CDC73: variants seen among roughly 807,000 people sequenced by gnomAD.
The protein encoded by CDC73 is parafibromin.
Under a neutral mutation model 83.7 loss-of-function variants are expected in CDC73, and 21 were observed. The observed-to-expected ratio is 0.25, with a 90% CI of 0.18 to 0.36. The LOEUF (loss-of-function observed/expected upper bound fraction) is 0.36. CDC73 is among the 10% of genes least tolerant of loss of function. CDC73 has a pLI of 1.00. For missense variants in CDC73, 342 were observed against 653.3 expected (o/e 0.52, Z 5.19); for synonymous variants, 224 against 212.9 (o/e 1.05, Z -0.45).
At chr1:193,192,816 A>G (rs1434315727) in intron 10 of CDC73, among the ~76,000 whole-genome samples, 3 of 152,232 alleles carry the variant, frequency 2.0e-5, no homozygotes, top group African/African-American at 4.8e-5. Context: ...GTGTGTGGTT[A>G]ATTAATCTGG....
intron 10 of CDC73, among the ~76,000 whole-genome samples, chr1:193,192,423 A>T (rs1352216856): frequency 6.6e-6 from 1 of 152,226 alleles, no homozygotes; most frequent in African/African-American, 2.4e-5. Context: ...AGCCTGGGCG[A>T]CAGAGTGAGA....
intron 10 of CDC73, 38 bp downstream of exon 10, chr1:193,152,482 G>A (rs1047229257): frequency 1.5e-6 from 2 of 1,340,854 alleles, no homozygotes; most frequent in African/African-American, 2.9e-5. Flanking sequence ...TTTGTTCCAG[G>A]GATTTTATGT....
At chr1:193,182,686 T>TAAGA (rs1422753900) in intron 10 of CDC73, among the ~76,000 whole-genome samples, 2 of 152,160 alleles carry the variant, frequency 1.3e-5, no homozygotes, top group African/African-American at 4.8e-5. Flanking sequence ...TGGCATATAT[T>TAAGA]AAGAACTGGT....
At chr1:193,204,285 A>ATT (rs1177806535) in intron 11 of CDC73, among the ~76,000 whole-genome samples, 1 of 133,604 alleles carries the variant, frequency 7.5e-6, no homozygotes, top group African/African-American at 2.8e-5. Flanking sequence ...GTGTATATAT[A>ATT]TATTTTTTTT....
At chr1:193,185,659 C>G (rs1283293385) in intron 10 of CDC73, among the ~76,000 whole-genome samples, 2 of 151,982 alleles carry the variant, frequency 1.3e-5, no homozygotes, top group East Asian at 3.9e-4. Context: ...ATTTAATTTA[C>G]TAGATAAGGA....
chr1:193,137,055 A>G (rs1675814124), intron 5 of CDC73, among the ~76,000 whole-genome samples: 2 of 152,224 alleles, frequency 1.3e-5, no homozygotes, highest in Non-Finnish European at 2.9e-5. Flanking sequence ...ATTGGTTTTC[A>G]GTTCAGTGTA....
chr1:193,170,106 G>C (rs957136288), intron 10 of CDC73, among the ~76,000 whole-genome samples: 1 of 151,940 alleles, frequency 6.6e-6, no homozygotes, highest in Admixed American at 6.6e-5. Flanking sequence ...CTCCATCCAT[G>C]TCCCTGCAAA....
chr1:193,177,241 C>T (rs866116897), intron 10 of CDC73, among the ~76,000 whole-genome samples: 21 of 150,584 alleles, frequency 1.4e-4, no homozygotes, highest in African/African-American at 4.6e-4. Flanking sequence ...ACATGATCCT[C>T]GGCCGGGCGC....
intron 11 of CDC73, among the ~76,000 whole-genome samples, chr1:193,208,225 A>G (rs1402178326): frequency 1.3e-5 from 2 of 151,726 alleles, no homozygotes; most frequent in African/African-American, 4.8e-5. Context: ...AAATTTATCT[A>G]TTTTTCTTTA....
In CDC73 at chr1:193,253,089, A is replaced by G. The variant is rs1255204586; in HGVS notation, c.*2377A>G. The G allele has an allele frequency of 2.6e-5, 6 of 232,204 alleles. No individual in the cohort carries two copies. Among genetic ancestry groups the G allele is most frequent in the Admixed American group, 1.1e-4 (2 of 17,730 alleles). 14.4% of individuals were successfully genotyped at this position (232,204 alleles called of 1,614,324 possible). A position where few individuals can be genotyped will look rare whatever the true frequency, so the allele number is the denominator to read the frequency against. On this transcript the variant is annotated 3_prime_UTR_variant, in exon 17 of 17. Transcript: ENST00000367435. ...CCCAACCTGTAAAGGAAAAAGTTCT[A>G]TTTCTATATTTATAGGACATTCTTC... is the stretch of plus-strand genomic sequence containing the variant.
chr1:193,217,790 C>G (rs1451935840), intron 13 of CDC73, among the ~76,000 whole-genome samples: 3 of 152,102 alleles, frequency 2.0e-5, no homozygotes, highest in Admixed American at 2.0e-4. Flanking sequence ...AGGGTGGAGC[C>G]CTAGCCAGGG....
intron 10 of CDC73, among the ~76,000 whole-genome samples, chr1:193,168,428 C>T (rs997722514): frequency 1.4e-4 from 22 of 152,068 alleles, no homozygotes; most frequent in African/African-American, 5.3e-4. Flanking sequence ...TAAGGTAAAG[C>T]AATATAATTG....
At chr1:193,128,349 A>G (rs1675623163) in intron 2 of CDC73, among the ~76,000 whole-genome samples, 1 of 151,910 alleles carries the variant, frequency 6.6e-6, no homozygotes, top group East Asian at 1.9e-4. Flanking sequence ...GCTGGAGTGC[A>G]GTGGCAGGAT....
chr1:193,150,268 ATATT>A, intron 8 of CDC73, 32 bp from the exon 9 acceptor site: 1 of 1,421,590 alleles, frequency 7.0e-7, no homozygotes, highest in Non-Finnish European at 1.0e-6. Context: ...ACATTTAAAA[ATATT>A]AACAAGTAAC....
At chr1:193,123,483 TC>T (rs34022057) in intron 1 of CDC73, among the ~76,000 whole-genome samples, 1 of 152,172 alleles carries the variant, frequency 6.6e-6, no homozygotes, top group Admixed American at 6.5e-5. Flanking sequence ...CGCCTCCACT[TC>T]CCAAAGTGCT....
At chr1:193,233,799 G>T (rs1190067980) in intron 14 of CDC73, among the ~76,000 whole-genome samples, 1 of 152,058 alleles carries the variant, frequency 6.6e-6, no homozygotes, top group East Asian at 1.9e-4. Flanking sequence ...TTTTATCATG[G>T]TTTAACACTT....
chr1:193,151,892 C>T (rs1676119468), intron 9 of CDC73, among the ~76,000 whole-genome samples: 1 of 152,084 alleles, frequency 6.6e-6, no homozygotes, highest in African/African-American at 2.4e-5. Context: ...ACTGCAGTGC[C>T]ACTGTACTCC....
chr1:193,152,816 G>T (rs1203509241), intron 10 of CDC73, among the ~76,000 whole-genome samples: 7 of 151,994 alleles, frequency 4.6e-5, no homozygotes, highest in Admixed American at 4.6e-4. Context: ...GTCTCGCTCT[G>T]TCGCCCAGGC....
At chr1:193,181,189 T>A in intron 10 of CDC73, 1 of 1,613,890 alleles carries the variant, frequency 6.2e-7, no homozygotes, top group East Asian at 2.2e-5. Context: ...AGTACCTTTT[T>A]CATTGTAAAT....
Sources: gnomAD v4.1 joint callset for allele counts (sites outside exome capture counted in the v4.1 genomes callset) on GRCh38, gnomAD v4.1.1 for gene constraint, MANE v1.5 for transcripts, NCBI Gene and HGNC (gene_info 2026-07-23, HGNC 2026-07-21) for gene names.